SEL1L: variants seen among roughly 807,000 people sequenced by gnomAD.
SEL1L encodes the protein protein sel-1 homolog 1.
A neutral mutation model predicts 109.8 loss-of-function variants in SEL1L; 52 were observed. The ratio of observed to expected loss-of-function variants is 0.47; its 90% CI spans 0.38 to 0.60. The LOEUF (loss-of-function observed/expected upper bound fraction) is 0.60. Among genes scored for constraint, SEL1L ranks in the 20% least tolerant of loss-of-function variants. SEL1L has a pLI of 0.00. For missense variants in SEL1L, 749 were observed against 962.2 expected, an observed-to-expected ratio of 0.78 and a Z score of 2.93; for synonymous variants, 373 against 339.6, an observed-to-expected ratio of 1.10 and a Z score of -1.08.
intron 1 of SEL1L, among the ~76,000 whole-genome samples, chr14:81,532,882 A>G (rs146773056): frequency 5.9e-4 from 90 of 152,340 alleles, no homozygotes; most frequent in Non-Finnish European, 1.1e-3. Flanking sequence ...TAGAAACACG[A>G]AGTTTTCATG....
At chr14:81,514,180 G>A (rs765089097) in intron 3 of SEL1L, among the ~76,000 whole-genome samples, 11 of 152,322 alleles carry the variant, frequency 7.2e-5, no homozygotes, top group Non-Finnish European at 1.6e-4. Context: ...AAGCCCCATC[G>A]GGGCGGGGGA....
intron 4 of SEL1L, 135 bp from the exon 5 acceptor site, chr14:81,504,441 C>T (rs1389303488): frequency 1.2e-5 from 6 of 511,356 alleles, no homozygotes; most frequent in Non-Finnish European, 1.9e-5. Flanking sequence ...ATTCTAAAAA[C>T]ACTTAAGTGT....
chr14:81,508,530 T>C (rs1251213370), intron 3 of SEL1L, among the ~76,000 whole-genome samples: 2 of 152,048 alleles, frequency 1.3e-5, no homozygotes, highest in African/African-American at 2.4e-5. Flanking sequence ...GCAGATCACT[T>C]GAACCCAGGA....
At chr14:81,503,257 G>A (rs1410036317) in intron 5 of SEL1L, among the ~76,000 whole-genome samples, 3 of 152,156 alleles carry the variant, frequency 2.0e-5, no homozygotes, top group Admixed American at 6.5e-5. Context: ...GATTACAGGC[G>A]TGAGCCACCA....
chr14:81,531,292 A>C (rs1276475179), intron 1 of SEL1L, among the ~76,000 whole-genome samples: 1 of 152,238 alleles, frequency 6.6e-6, no homozygotes, highest in Non-Finnish European at 1.5e-5. Context: ...TCATATTTTT[A>C]CATGCTTCTA....
At chr14:81,528,270 T>C (rs1209575195) in intron 1 of SEL1L, among the ~76,000 whole-genome samples, 1 of 152,166 alleles carries the variant, frequency 6.6e-6, no homozygotes, top group Non-Finnish European at 1.5e-5. Context: ...CAATTATATT[T>C]AGGATTTGTG....
At chr14:81,526,238 T>C (rs1324576389) in intron 3 of SEL1L, among the ~76,000 whole-genome samples, 2 of 152,128 alleles carry the variant, frequency 1.3e-5, no homozygotes, top group Admixed American at 6.5e-5. Flanking sequence ...GGTTTCAAGA[T>C]TGTGAAAGTT....
intron 16 of SEL1L, among the ~76,000 whole-genome samples, chr14:81,486,670 A>G (rs1903529849): frequency 6.6e-6 from 1 of 152,020 alleles, no homozygotes. Context: ...ACAGTACACA[A>G]TTATTGTACT....
chr14:81,521,405 T>C (rs1053518296), intron 3 of SEL1L, among the ~76,000 whole-genome samples: 3 of 152,018 alleles, frequency 2.0e-5, no homozygotes, highest in Non-Finnish European at 4.4e-5. Context: ...GACAAAGGAA[T>C]GATTACCAAT....
intron 3 of SEL1L, among the ~76,000 whole-genome samples, chr14:81,514,130 C>T (rs1190873437): frequency 6.6e-6 from 1 of 152,250 alleles, no homozygotes; most frequent in East Asian, 1.9e-4. Flanking sequence ...CTTCTTTAGG[C>T]ACCTGGGCTC....
intron 12 of SEL1L, among the ~76,000 whole-genome samples, chr14:81,491,032 A>G (rs1473820526): frequency 6.6e-6 from 1 of 152,254 alleles, no homozygotes; most frequent in Non-Finnish European, 1.5e-5. Flanking sequence ...ACATAAAATC[A>G]GCTCATATAT....
intron 11 of SEL1L, 128 bp from the exon 12 acceptor site, chr14:81,492,676 A>G: frequency 1.7e-6 from 1 of 602,570 alleles, no homozygotes; most frequent in East Asian, 2.9e-5. Context: ...AAACAAGAAT[A>G]CCCAGTTGCC....
At chr14:81,490,712 C>G (rs1015077196) in intron 12 of SEL1L, among the ~76,000 whole-genome samples, 2 of 152,114 alleles carry the variant, frequency 1.3e-5, no homozygotes, top group African/African-American at 4.8e-5. Context: ...ACCAGCCTGG[C>G]CAATATGGCA....
intron 10 of SEL1L, among the ~76,000 whole-genome samples, chr14:81,495,363 G>T (rs1883700839): frequency 6.6e-6 from 1 of 152,216 alleles, no homozygotes; most frequent in Admixed American, 6.5e-5. Flanking sequence ...TTGCGGCCAG[G>T]TGCGGTGGCT....
At chr14:81,491,163 C>A (rs980626273) in intron 12 of SEL1L, among the ~76,000 whole-genome samples, 6 of 152,208 alleles carry the variant, frequency 3.9e-5, no homozygotes, top group Non-Finnish European at 8.8e-5. Context: ...AAAGGGGAAG[C>A]TGCTTGCGGC....
chr14:81,515,183 T>C (rs1482014520), intron 3 of SEL1L, among the ~76,000 whole-genome samples: 1 of 152,166 alleles, frequency 6.6e-6, no homozygotes, highest in Non-Finnish European at 1.5e-5. Flanking sequence ...TTATGTCCCC[T>C]TCAAGCTGTA....
At chr14:81,528,404 A>G (rs1364747695) in intron 1 of SEL1L, among the ~76,000 whole-genome samples, 1 of 152,076 alleles carries the variant, frequency 6.6e-6, no homozygotes, top group Non-Finnish European at 1.5e-5. Context: ...AAAAACAGCC[A>G]CCGGTTACAC....
chr14:81,517,820 T>C (rs1884762119), intron 3 of SEL1L, among the ~76,000 whole-genome samples: 1 of 152,230 alleles, frequency 6.6e-6, no homozygotes, highest in Non-Finnish European at 1.5e-5. Context: ...TCCTTGCTTT[T>C]TGCTGCCAGT....
At chr14:81,527,140 A>C (rs1354951810) in intron 2 of SEL1L, among the ~76,000 whole-genome samples, 176 bp from the exon 3 acceptor site, 1 of 152,018 alleles carries the variant, frequency 6.6e-6, no homozygotes, top group Non-Finnish European at 1.5e-5. Context: ...TCATCACCTA[A>C]CTTGTAGCCT....
Sources: gnomAD v4.1 joint callset for allele counts (sites outside exome capture counted in the v4.1 genomes callset) on GRCh38, gnomAD v4.1.1 for gene constraint, MANE v1.5 for transcripts, NCBI Gene and HGNC (gene_info 2026-07-23, HGNC 2026-07-21) for gene names.